REPS2: variants seen among roughly 807,000 people sequenced by gnomAD.
REPS2 encodes RALBP1 associated Eps domain containing 2.
Under a neutral mutation model 53.6 loss-of-function variants are expected in REPS2, and 23 were observed. The ratio of observed to expected loss-of-function variants is 0.43; its 90% CI spans 0.31 to 0.61. The LOEUF is 0.61. REPS2 is among the 20% of genes least tolerant of loss of function. REPS2 has a pLI of 0.11. For missense variants in REPS2, 446 were observed against 534.9 expected (o/e 0.83, Z 1.64); for synonymous variants, 238 against 218.6 (o/e 1.09, Z -0.78).
At chrX:16,970,150 A>G (rs1439078385) in intron 1 of REPS2, among the ~76,000 whole-genome samples, 5 of 108,092 alleles carry the variant, frequency 4.6e-5, no homozygotes, top group Non-Finnish European at 9.6e-5. Flanking sequence ...TCTTGCAATT[A>G]TTATTGTTAT....
intron 17 of REPS2, among the ~76,000 whole-genome samples, chrX:17,143,661 T>C (rs1444315545): frequency 9.0e-6 from 1 of 111,587 alleles, no homozygotes; most frequent in African/African-American, 3.3e-5. Flanking sequence ...CATTTTCTTC[T>C]TTATTTTTGT....
At chrX:16,999,903 C>T (rs2061282057) in intron 1 of REPS2, among the ~76,000 whole-genome samples, 2 of 104,475 alleles carry the variant, frequency 1.9e-5, no homozygotes, top group Middle Eastern at 4.8e-3. Context: ...AAAAATTAGC[C>T]GGGCGTAGTG....
chrX:17,169,208 G>A, the REPS2 span, among the ~76,000 whole-genome samples: 3 of 112,304 alleles, frequency 2.7e-5, no homozygotes, highest in South Asian at 7.4e-4. Flanking sequence ...TTGAAGAACC[G>A]TGTAGTTTTA....
At chrX:17,141,401 A>G (rs752425600) in intron 17 of REPS2, among the ~76,000 whole-genome samples, 14 of 112,205 alleles carry the variant, frequency 1.2e-4, no homozygotes, top group Non-Finnish European at 2.1e-4. Context: ...GTAGTATCCC[A>G]TTGGGTGAAT....
chrX:16,966,181 G>A (rs1170070707), intron 1 of REPS2, among the ~76,000 whole-genome samples: 3 of 111,956 alleles, frequency 2.7e-5, no homozygotes, highest in African/African-American at 3.2e-5. Context: ...ACATTTTGTC[G>A]TCATCATCTC....
intron 11 of REPS2, among the ~76,000 whole-genome samples, chrX:17,072,012 G>T (rs895643605): frequency 1.8e-5 from 2 of 111,336 alleles, no homozygotes; most frequent in Non-Finnish European, 3.8e-5. Flanking sequence ...CCATGTTGAG[G>T]TGTTTTCAGC....
chrX:17,135,108 T>TC (rs886897416), intron 15 of REPS2, among the ~76,000 whole-genome samples, 153 bp from the exon 16 acceptor site: 9 of 110,687 alleles, frequency 8.1e-5, no homozygotes, highest in African/African-American at 3.0e-4. Context: ...GATGCCTGTG[T>TC]CCCCCCAGTT....
chrX:17,132,370 G>C (rs1404310625), intron 14 of REPS2, among the ~76,000 whole-genome samples: 1 of 111,531 alleles, frequency 9.0e-6, no homozygotes, highest in Non-Finnish European at 1.9e-5. Flanking sequence ...GAGGGAGAGG[G>C]GGAAATAAAG....
intron 2 of REPS2, among the ~76,000 whole-genome samples, chrX:17,013,844 G>A (rs770451746): frequency 9.0e-6 from 1 of 110,870 alleles, no homozygotes; most frequent in Non-Finnish European, 1.9e-5. Flanking sequence ...GGGACACAGA[G>A]CTGCTTTGGA....
At chrX:17,066,193 A>T (rs2062223194) in intron 9 of REPS2, among the ~76,000 whole-genome samples, 1 of 112,007 alleles carries the variant, frequency 8.9e-6, no homozygotes, top group African/African-American at 3.2e-5. Context: ...GTAAGTTTTG[A>T]AATCAAGAAG....
chrX:17,087,913 T>A (rs2062559003), intron 13 of REPS2, among the ~76,000 whole-genome samples: 1 of 103,834 alleles, frequency 9.6e-6, no homozygotes. Flanking sequence ...AAGGACAGAG[T>A]GAGACTCTGT....
rs1276008894 is a variant in REPS2, at chrX:17,152,649, C to T, written c.*5168C>T. On this transcript the variant is annotated 3_prime_UTR_variant, in exon 18 of 18. Coordinates refer to ENST00000357277, the MANE Select transcript of REPS2 (RefSeq NM_004726.3). ...TAAAGCTCTTTCAGGGAGCTCTTCT[C>T]TGGGGCTGGAACAGTTGATTATGCA... 4.4e-5 allele frequency: 5 copies of T among 112,736 alleles called. No individual in the cohort carries two copies. Among genetic ancestry groups the T allele is most frequent in the Non-Finnish European group, 9.4e-5 (5 of 53,322 alleles). 9.3% of individuals were successfully genotyped at this position (112,736 alleles called of 1,213,427 possible). A position where few individuals can be genotyped will look rare whatever the true frequency, so the allele number is the denominator to read the frequency against.
Position 17,025,092 on chromosome X carries a change from G to GCCTCC in REPS2, c.586_590dup (p.Ser198LeufsTer13). Reference sequence around the variant, plus strand: ...ACAGTCTCCCACGATGTCACCCCTCGCCTCCCCTCCTTCTTCCCCGCCTCA... The same window carrying GCCTCC: ...ACAGTCTCCCACGATGTCACCCCTCGCCTCCCCTCCCCTCCTTCTTCCCCGCCTCA... On this transcript the variant is annotated frameshift_variant, in exon 4 of 18. Coordinates refer to ENST00000357277, the MANE Select transcript of REPS2 (RefSeq NM_004726.3). LOFTEE classifies it high-confidence loss of function. The GCCTCC allele has an allele frequency of 8.3e-7, 1 of 1,211,335 alleles. No individual in the cohort carries two copies. Among genetic ancestry groups the GCCTCC allele is most frequent in the Non-Finnish European group, 1.1e-6 (1 of 895,334 alleles).
At chrX:16,983,874 A>G (rs947462333) in intron 1 of REPS2, among the ~76,000 whole-genome samples, 2 of 112,649 alleles carry the variant, frequency 1.8e-5, no homozygotes, top group African/African-American at 3.2e-5. Flanking sequence ...CACATGGCTT[A>G]TAAGTGGTGG....
chrX:17,195,477 C>T, the REPS2 span, among the ~76,000 whole-genome samples: 1 of 112,075 alleles, frequency 8.9e-6, no homozygotes, highest in Non-Finnish European at 1.9e-5. Flanking sequence ...GGATAAAAAT[C>T]ATTTTGGCCC....
chrX:17,011,057 CTGTGTGTGTGTGTG>C (rs60541913), intron 2 of REPS2, among the ~76,000 whole-genome samples: 7 of 102,552 alleles, frequency 6.8e-5, no homozygotes, highest in South Asian at 4.7e-4. Context: ...TTTGCTTAAA[CTGTGTGTGTGTGTG>C]TGTGTGTGTG....
At position 16,953,568 on chromosome X, in the gene REPS2, GAT is replaced by G. The variant is rs1295442412; in HGVS notation, c.273+6437_273+6438del. On this transcript the variant is annotated intron_variant, in intron 1 of 17. Transcript: ENST00000357277. ...TGTGTATATATAAATCACTAAAAAA[GAT>G]ATTATTTTGGATGTCTTTTCAACTT... Among the ~76,000 whole-genome samples, 17 of 111,952 alleles carry G rather than the reference GAT, an allele frequency of 1.5e-4. 1 individual carries two copies. The highest frequency in any genetic ancestry group is 2.8e-4 in the Non-Finnish European group (15 of 53,182).
chrX:17,091,956 C>T (rs1047159691), intron 13 of REPS2, among the ~76,000 whole-genome samples: 6 of 111,961 alleles, frequency 5.4e-5, no homozygotes, highest in Non-Finnish European at 1.1e-4. Flanking sequence ...AAGTATAGGT[C>T]CCACTGGGAG....
At chrX:17,061,332 G>T (rs978637077) in intron 8 of REPS2, among the ~76,000 whole-genome samples, 3 of 111,923 alleles carry the variant, frequency 2.7e-5, no homozygotes, top group Non-Finnish European at 5.6e-5. Flanking sequence ...ATGAAACAGG[G>T]TCTCACTATG....
Sources: allele counts gnomAD v4.1 joint callset (sites outside exome capture counted in the v4.1 genomes callset), GRCh38; gene constraint gnomAD v4.1.1; transcripts MANE v1.5; gene names NCBI Gene and HGNC (gene_info 2026-07-23, HGNC 2026-07-21).